Variants in DENND5A observed in about 807,000 individuals in gnomAD.
DENND5A encodes DENN domain-containing protein 5A.
A neutral mutation model predicts 140.3 loss-of-function variants in DENND5A; 64 were observed. The ratio of observed to expected loss-of-function variants is 0.46; its 90% CI spans 0.37 to 0.56. The LOEUF is 0.56. Among genes scored for constraint, DENND5A ranks in the 20% least tolerant of loss-of-function variants. The pLI is 0.00. For missense variants in DENND5A, 1,292 were observed against 1,593.8 expected (o/e 0.81, Z 3.22); for synonymous variants, 605 against 607.7 (o/e 1.00, Z 0.07).
chr11:9,239,537 G>C (rs1851146654), intron 1 of DENND5A, among the ~76,000 whole-genome samples: 1 of 151,562 alleles, frequency 6.6e-6, no homozygotes, highest in South Asian at 2.1e-4. Context: ...TTGCTATGTT[G>C]CCCAGGCTGG....
chr11:9,149,254 A>G (rs933326574), intron 15 of DENND5A, among the ~76,000 whole-genome samples: 3 of 152,194 alleles, frequency 2.0e-5, no homozygotes, highest in African/African-American at 7.2e-5. Flanking sequence ...GAAATCCCAG[A>G]GACTGAGGGA....
intron 12 of DENND5A, among the ~76,000 whole-genome samples, chr11:9,160,220 G>T (rs1314689583): frequency 6.6e-6 from 1 of 152,194 alleles, no homozygotes; most frequent in African/African-American, 2.4e-5. Context: ...TTGAAATAAG[G>T]AAATTCTCTG....
chr11:9,228,910 TAAGTA>T (rs1850645928), intron 1 of DENND5A, among the ~76,000 whole-genome samples: 1 of 152,170 alleles, frequency 6.6e-6, no homozygotes, highest in Non-Finnish European at 1.5e-5. Flanking sequence ...TGGGTAATAG[TAAGTA>T]AAGTACTTTC....
At position 9,190,903 on chromosome 11, in the gene DENND5A, C is replaced by T. The variant is rs138559390; in HGVS notation, c.1137+2591G>A. ...TCTTCCCCTAGTCTAAGGTTTTCCA[C>T]GGGAAATACATAGGCTCAGATACCC... On this transcript the variant is annotated intron_variant, in intron 5 of 22. Transcript: ENST00000328194. 3.3e-5 allele frequency among the ~76,000 whole-genome samples: 5 copies of T among 152,144 alleles called. No individual in the cohort carries two copies. The East Asian group carries it at 5.8e-4, about 18-fold the overall frequency.
intron 1 of DENND5A, among the ~76,000 whole-genome samples, chr11:9,254,100 G>A (rs1287104048): frequency 2.0e-5 from 3 of 148,214 alleles, no homozygotes; most frequent in African/African-American, 5.0e-5. Context: ...AGGTTGCAGT[G>A]AGCCAAGATC....
intron 15 of DENND5A, among the ~76,000 whole-genome samples, chr11:9,148,291 C>T (rs1847498124): frequency 6.7e-6 from 1 of 150,150 alleles, no homozygotes; most frequent in Non-Finnish European, 1.5e-5. Context: ...GGGAAGTGAT[C>T]AGTTAGCAAT....
At chr11:9,176,096 G>A (rs780378926) in intron 8 of DENND5A, among the ~76,000 whole-genome samples, 5 of 152,132 alleles carry the variant, frequency 3.3e-5, no homozygotes, top group Non-Finnish European at 7.4e-5. Flanking sequence ...ATGACCTTTT[G>A]GCAAAGTCCT....
chr11:9,180,012 G>A (rs1293127351), intron 6 of DENND5A, among the ~76,000 whole-genome samples: 2 of 152,210 alleles, frequency 1.3e-5, no homozygotes, highest in African/African-American at 4.8e-5. Context: ...GAGAATTCAA[G>A]AGGACTAGAT....
At position 9,200,726 on chromosome 11, in the gene DENND5A, A is replaced by G. The variant is rs118094840; in HGVS notation, c.949+2934T>C. Among the ~76,000 whole-genome samples, 880 of 152,302 alleles carry G rather than the reference A, an allele frequency of 5.8e-3. 3 individuals carry two copies. Among genetic ancestry groups the G allele is most frequent in the Non-Finnish European group, 0.01 (684 of 68,026 alleles). ...AACCATTCCACACCACTTCACTGTTATCTCCTTAGTTCTAACTGACATCAC... is the reference window on the plus strand; with the variant it reads ...AACCATTCCACACCACTTCACTGTTGTCTCCTTAGTTCTAACTGACATCAC... On this transcript the variant is annotated intron_variant, in intron 4 of 22. Transcript: ENST00000328194.
At chr11:9,211,437 A>G (rs1204341962) in intron 1 of DENND5A, among the ~76,000 whole-genome samples, 2 of 152,126 alleles carry the variant, frequency 1.3e-5, no homozygotes, top group Non-Finnish European at 2.9e-5. Flanking sequence ...TAATAATAAT[A>G]AAATAAAAAA....
chr11:9,228,128 A>AAC (rs1850611915), intron 1 of DENND5A, among the ~76,000 whole-genome samples: 2 of 150,494 alleles, frequency 1.3e-5, no homozygotes, highest in Non-Finnish European at 3.0e-5. Flanking sequence ...AAAAAAAAAA[A>AAC]AAAACTTACA....
chr11:9,168,268 C>T (rs1848256599), intron 10 of DENND5A, among the ~76,000 whole-genome samples: 1 of 151,968 alleles, frequency 6.6e-6, no homozygotes, highest in Non-Finnish European at 1.5e-5. Context: ...GAGCTGTTCT[C>T]GTGATAGTGC....
chr11:9,186,689 C>G (rs1331708256), intron 5 of DENND5A, among the ~76,000 whole-genome samples: 1 of 152,154 alleles, frequency 6.6e-6, no homozygotes, highest in Non-Finnish European at 1.5e-5. Context: ...ATGCACATTT[C>G]AGAGATGAAT....
rs927584238 is a variant in DENND5A, at chr11:9,251,081, G to A, written c.109+13880C>T. On this transcript the variant is annotated intron_variant, in intron 1 of 22. Coordinates refer to ENST00000328194, the MANE Select transcript of DENND5A (RefSeq NM_015213.4). ...ACCCAGGAGGCAGAGGTTACAGTGCGCTGAGATCAAGCCACTGCACTCCAG... is the reference window on the plus strand; with the variant it reads ...ACCCAGGAGGCAGAGGTTACAGTGCACTGAGATCAAGCCACTGCACTCCAG... Among the ~76,000 whole-genome samples the A allele has an allele frequency of 1.0e-4, 15 of 149,706 alleles. No individual in the cohort carries two copies. The East Asian group carries it at 2.4e-3, about 23-fold the overall frequency.
At chr11:9,200,344 A>G (rs1317011782) in intron 4 of DENND5A, among the ~76,000 whole-genome samples, 1 of 152,216 alleles carries the variant, frequency 6.6e-6, no homozygotes, top group Non-Finnish European at 1.5e-5. Flanking sequence ...AGAAATAGCT[A>G]GGAAAGCAAT....
chr11:9,181,141 GT>G (rs1412865890), intron 5 of DENND5A, 57 bp from the exon 6 acceptor site: 1 of 1,509,012 alleles, frequency 6.6e-7, no homozygotes, highest in African/African-American at 1.4e-5. Context: ...ACAGGAAGAA[GT>G]TTTAGAAAGG....
chr11:9,165,872 C>T lies in DENND5A; in HGVS notation c.2247G>A (p.Lys749=). 1 of 1,614,160 alleles carries T rather than the reference C, an allele frequency of 6.2e-7. No homozygotes were observed. The part of the protein sequence containing the change: ...SPSVIAQTNW[K]FVEGLLKECR... ...ATTCCTTCAGCAGGCCCTCTACAAA[C>T]TTCCAATTGGTCTGGGCAATCACTG... Residue 749 remains lysine (K), a synonymous_variant, in exon 11 of 23, where the codon AAG becomes AAA. Transcript: ENST00000328194.
intron 1 of DENND5A, among the ~76,000 whole-genome samples, chr11:9,234,122 G>C (rs956441390): frequency 6.6e-6 from 1 of 151,296 alleles, no homozygotes; most frequent in African/African-American, 2.4e-5. Flanking sequence ...AGGCTGCACT[G>C]AGCCATGATC....
At chr11:9,169,037 C>T (rs955330356) in intron 10 of DENND5A, among the ~76,000 whole-genome samples, 1 of 151,762 alleles carries the variant, frequency 6.6e-6, no homozygotes, top group South Asian at 2.1e-4. Context: ...TTTCCAGGTA[C>T]CTGATAATAA....
Sources: allele counts gnomAD v4.1 joint callset (sites outside exome capture counted in the v4.1 genomes callset), GRCh38; gene constraint gnomAD v4.1.1; transcripts MANE v1.5; gene names NCBI Gene and HGNC (gene_info 2026-07-23, HGNC 2026-07-21).